Variants in PRR5L observed in about 807,000 individuals in gnomAD.
The protein encoded by PRR5L is proline-rich protein 5-like.
PRR5L carries 21 observed loss-of-function variants against 36.4 expected under a neutral mutation model. The observed-to-expected ratio is 0.58, with a 90% CI of 0.41 to 0.83. The LOEUF (loss-of-function observed/expected upper bound fraction) is 0.83. PRR5L is among the 40% of genes least tolerant of loss of function. The pLI is 0.00. For synonymous variants in PRR5L, 188 were observed against 197.0 expected (o/e 0.95, Z 0.38); for missense variants, 381 against 473.3 (o/e 0.80, Z 1.81).
chr11:36,458,639 T>C (rs1479361898), intron 8 of PRR5L, among the ~76,000 whole-genome samples: 2 of 152,220 alleles, frequency 1.3e-5, no homozygotes, highest in African/African-American at 4.8e-5. Flanking sequence ...AGGCAGGTCT[T>C]GCTGTGATCT....
intron 1 of PRR5L, chr11:36,376,071 G>C (rs1857252694): frequency 1.5e-5 from 15 of 1,013,352 alleles, no homozygotes; most frequent in Admixed American, 2.3e-5. Context: ...ACGCAAGCAC[G>C]GAGCTCCCTT....
At chr11:36,351,637 A>G (rs61020049) in intron 1 of PRR5L, among the ~76,000 whole-genome samples, 1 of 13,348 alleles carries the variant, frequency 7.5e-5, no homozygotes, top group African/African-American at 3.5e-4. Context: ...TTATATAAAT[A>G]TATATTTATA....
At chr11:36,438,457 T>C (rs1044385149) in intron 6 of PRR5L, among the ~76,000 whole-genome samples, 2 of 152,228 alleles carry the variant, frequency 1.3e-5, no homozygotes, top group African/African-American at 4.8e-5. Flanking sequence ...TTGTCAAATA[T>C]TTAAAACCTG....
intron 1 of PRR5L, among the ~76,000 whole-genome samples, chr11:36,374,109 T>C (rs77861709): frequency 0.024 from 1,765 of 74,052 alleles, 36 homozygotes; most frequent in Middle Eastern, 0.034. Flanking sequence ...TTCCTTCCTC[T>C]CTCTCTCTCT....
intron 6 of PRR5L, among the ~76,000 whole-genome samples, chr11:36,438,624 G>A (rs1209726588): frequency 6.6e-6 from 1 of 152,142 alleles, no homozygotes; most frequent in Admixed American, 6.6e-5. Context: ...CTTGTCTCAG[G>A]AAGATAGGCA....
chr11:36,306,451 A>G lies in PRR5L; in HGVS notation c.-126+10013A>G, dbSNP rs140773957. ...ATGGCTGCATAGTATTTCATGGTGTATATATGCCACATTTTCTTAATCCAG... is the reference window on the plus strand; with the variant it reads ...ATGGCTGCATAGTATTTCATGGTGTGTATATGCCACATTTTCTTAATCCAG... On this transcript the variant is annotated intron_variant, in intron 1 of 8. Transcript: ENST00000530639. Among the ~76,000 whole-genome samples, 1,282 of 152,254 alleles carry G rather than the reference A, an allele frequency of 8.4e-3. 21 individuals are homozygous for G. Among genetic ancestry groups the G allele is most frequent in the African/African-American group, 0.028 (1,145 of 41,540 alleles).
chr11:36,420,983 G>T (rs1858252952), intron 4 of PRR5L, among the ~76,000 whole-genome samples: 1 of 152,142 alleles, frequency 6.6e-6, no homozygotes, highest in Admixed American at 6.6e-5. Flanking sequence ...TTCAGGGAGA[G>T]ACAAACATAA....
At chr11:36,346,159 A>G (rs1244310673) in intron 1 of PRR5L, among the ~76,000 whole-genome samples, 1 of 152,124 alleles carries the variant, frequency 6.6e-6, no homozygotes. Flanking sequence ...ATTTTTGTAG[A>G]GATGGGGCCT....
At chr11:36,323,097 G>C (rs951444559) in intron 1 of PRR5L, among the ~76,000 whole-genome samples, 6 of 152,144 alleles carry the variant, frequency 3.9e-5, no homozygotes, top group African/African-American at 1.4e-4. Context: ...AAGCCACCCA[G>C]TCTGTGGTAC....
At chr11:36,396,657 A>G (rs149127501) in intron 1 of PRR5L, among the ~76,000 whole-genome samples, 1 of 152,282 alleles carries the variant, frequency 6.6e-6, no homozygotes, top group East Asian at 1.9e-4. Context: ...TTATCCATTT[A>G]ATCCTCCTCC....
intron 7 of PRR5L, among the ~76,000 whole-genome samples, chr11:36,446,848 C>G (rs149487561): frequency 6.6e-6 from 1 of 152,276 alleles, no homozygotes; most frequent in East Asian, 1.9e-4. Context: ...GGATTACAAC[C>G]AGGAATGAGG....
At position 36,340,540 on chromosome 11, in the gene PRR5L, G is replaced by C. The variant is rs905367149; in HGVS notation, c.-126+44102G>C. ...ATTTGGGAAGAGGTACTGTTACACT[G>C]GCACCACTTTGCAGATGAGGGAACT... On this transcript the variant is annotated intron_variant, in intron 1 of 8. Coordinates refer to ENST00000530639, the MANE Select transcript of PRR5L (RefSeq NM_001160167.2). Among the ~76,000 whole-genome samples the C allele has an allele frequency of 4.6e-5, 7 of 152,196 alleles. No homozygotes were observed. In the East Asian group the frequency reaches 1.3e-3, roughly 29 times the overall value.
chr11:36,412,725 A>G (rs947598618), intron 3 of PRR5L, among the ~76,000 whole-genome samples: 6 of 151,850 alleles, frequency 4.0e-5, no homozygotes, highest in African/African-American at 1.5e-4. Context: ...CTAGGTGTCT[A>G]ATGCCTTGAT....
intron 1 of PRR5L, among the ~76,000 whole-genome samples, chr11:36,352,086 A>T (rs1000889096): frequency 1.4e-4 from 22 of 151,884 alleles, no homozygotes; most frequent in African/African-American, 5.3e-4. Flanking sequence ...CCCCGCCAAC[A>T]TCTATTATTT....
chr11:36,390,483 G>T (rs560439821), intron 1 of PRR5L, among the ~76,000 whole-genome samples: 14 of 152,328 alleles, frequency 9.2e-5, no homozygotes, highest in African/African-American at 3.4e-4. Flanking sequence ...GCTATGGACT[G>T]TTGGGTTCTA....
At chr11:36,455,937 C>T (rs1428809671) in intron 8 of PRR5L, among the ~76,000 whole-genome samples, 1 of 152,196 alleles carries the variant, frequency 6.6e-6, no homozygotes, top group Non-Finnish European at 1.5e-5. Flanking sequence ...CTGCCCACAC[C>T]CAATCTTGGG....
intron 8 of PRR5L, among the ~76,000 whole-genome samples, chr11:36,457,162 C>A (rs1292541580): frequency 6.6e-6 from 1 of 152,244 alleles, no homozygotes; most frequent in Non-Finnish European, 1.5e-5. Context: ...GTCTGCCAAG[C>A]AAGTTGATTT....
In PRR5L at chr11:36,436,437, T is replaced by C. The variant is rs545233628; in HGVS notation, c.353-948T>C. ...TGATGGCACTGGGTGACCTGTGTGC[T>C]CTCCAGCCTGGGGTAGCAGGGACAC... On this transcript the variant is annotated intron_variant, in intron 5 of 8. Transcript: ENST00000530639. Among the ~76,000 whole-genome samples the C allele has an allele frequency of 2.0e-5, 3 of 152,298 alleles. No homozygotes were observed. The South Asian group carries it at 6.2e-4, about 32-fold the overall frequency.
In PRR5L at chr11:36,391,567, T is replaced by A. The variant is rs190003482; in HGVS notation, c.-125-9430T>A. 1.8e-3 allele frequency among the ~76,000 whole-genome samples: 271 copies of A among 152,130 alleles called. 4 individuals carry two copies. The East Asian group carries it at 0.04, about 23-fold the overall frequency. ...TTAACCCTTTCAGCACCAAAACTTT[T>A]AAGTTGCTTTTGAAGGGGATTTTTC... On this transcript the variant is annotated intron_variant, in intron 1 of 8. Coordinates refer to ENST00000530639, the MANE Select transcript of PRR5L (RefSeq NM_001160167.2).
Sources: gnomAD v4.1 joint callset for allele counts (sites outside exome capture counted in the v4.1 genomes callset) on GRCh38, gnomAD v4.1.1 for gene constraint, MANE v1.5 for transcripts, NCBI Gene and HGNC (gene_info 2026-07-23, HGNC 2026-07-21) for gene names.